Variants in C3orf22 observed in about 807,000 individuals in gnomAD.
The protein encoded by C3orf22 is chromosome 3 open reading frame 22.
In C3orf22, 7 loss-of-function variants were observed where a neutral mutation model predicts 10.8. That is an observed-to-expected ratio of 0.65 (90% CI 0.37 to 1.22). C3orf22 has a LOEUF of 1.22. C3orf22 is among the 50% of genes most tolerant of loss of function. The probability of loss-of-function intolerance (pLI) is 0.02; values close to 1 mark genes in which losing one functional copy is unlikely to be tolerated. For missense variants in C3orf22, 173 were observed against 177.0 expected, an observed-to-expected ratio of 0.98 and a Z score of 0.13; for synonymous variants, 79 against 78.9, an observed-to-expected ratio of 1.00 and a Z score of 0.00.
chr3:126,535,731 T>C (rs1392941086), intron 4 of C3orf22, among the ~76,000 whole-genome samples: 1 of 152,256 alleles, frequency 6.6e-6, no homozygotes, highest in East Asian at 1.9e-4. Flanking sequence ...AAGCAGCATA[T>C]TCCCTGATGG....
At chr3:126,540,625 C>T (rs1936938628) in intron 4 of C3orf22, among the ~76,000 whole-genome samples, 1 of 152,226 alleles carries the variant, frequency 6.6e-6, no homozygotes, top group African/African-American at 2.4e-5. Context: ...CATTTGCCCA[C>T]TCAGCAGTGC....
At chr3:126,539,623 GCACA>G (rs1207867041) in intron 4 of C3orf22, among the ~76,000 whole-genome samples, 2 of 75,672 alleles carry the variant, frequency 2.6e-5, no homozygotes, top group African/African-American at 1.1e-4. Context: ...CACACACACA[GCACA>G]CACACACCCC....
Position 126,553,899 on chromosome 3 carries a change from C to T in C3orf22, c.-40-469G>A, listed in dbSNP as rs73859526. Among the ~76,000 whole-genome samples the T allele has an allele frequency of 9.3e-3, 1,423 of 152,332 alleles. 22 individuals are homozygous for T. Among genetic ancestry groups the T allele is most frequent in the African/African-American group, 0.031 (1,279 of 41,572 alleles). On this transcript the variant is annotated intron_variant, in intron 1 of 3. Transcript: ENST00000318225. ...TGCGGTTGTGCAGCTTCTCAGGCCT[C>T]CAGCTTGGGGCACTTACAAAGCCAC...
intron 4 of C3orf22, chr3:126,542,612 G>A: frequency 1.4e-6 from 2 of 1,438,722 alleles, no homozygotes; most frequent in Non-Finnish European, 1.8e-6. Context: ...CGCGGGGCAA[G>A]TGCCTTTCCG....
rs996648340 is a variant in C3orf22, at chr3:126,542,544, A to G, written c.286+6993T>C. On this transcript the variant is annotated intron_variant and NMD_transcript_variant, in intron 4 of 5. Coordinates refer to the C3orf22 transcript ENST00000505070. ...TACAAGATGGACTTCCTGCTTTTCA[A>G]CTACTCCGCCCCCTCCTACCTGCGG... 4.6e-6 allele frequency: 7 copies of G among 1,529,568 alleles called. No individual in the cohort carries two copies. Among genetic ancestry groups the G allele is most frequent in the Non-Finnish European group, 6.1e-6 (7 of 1,143,852 alleles). 94.7% of individuals were successfully genotyped at this position (1,529,568 alleles called of 1,614,324 possible). A position where few individuals can be genotyped will look rare whatever the true frequency, so the allele number is the denominator to read the frequency against.
At chr3:126,558,012 CT>C (rs1937393147) in intron 1 of C3orf22, among the ~76,000 whole-genome samples, 3 of 1,070 alleles carry the variant, frequency 2.8e-3, no homozygotes, top group Non-Finnish European at 6.8e-3. Flanking sequence ...GTCAGGTGCA[CT>C]TGGGTGAGTC....
chr3:126,553,174 G>C, intron 2 of C3orf22, 128 bp downstream of exon 2: 1 of 762,162 alleles, frequency 1.3e-6, no homozygotes, highest in Non-Finnish European at 2.3e-6. Context: ...GGCAAGGGCT[G>C]CTAAGGGTCT....
In C3orf22 at chr3:126,553,370, C is replaced by G; in HGVS notation, c.21G>C (p.Lys7Asn). The G allele has an allele frequency of 6.2e-7, 1 of 1,613,782 alleles. No individual in the cohort carries two copies. Among genetic ancestry groups the G allele is most frequent in the Middle Eastern group, 1.6e-4 (1 of 6,062 alleles). The change falls in exon 2 of 4, where the codon AAG (lysine) becomes AAC (asparagine). Residue 7 changes from lysine to asparagine, a missense_variant. Coordinates refer to ENST00000318225, the MANE Select transcript of C3orf22 (RefSeq NM_152533.3). MDSSAC[K>N]KSHQSKKWRI... ...TCCACTTCTTACTCTGGTGAGACTT[C>G]TTGCAGGCACTGGAGTCCATCACTG...
downstream of C3orf22, chr3:126,549,602 C>A: frequency 7.3e-7 from 1 of 1,369,892 alleles, no homozygotes; most frequent in Non-Finnish European, 9.7e-7. Flanking sequence ...AATCCTCACA[C>A]CAACCCTGCA....
At chr3:126,528,401 A>C (rs1227064780) in intron 5 of C3orf22, among the ~76,000 whole-genome samples, 1 of 152,190 alleles carries the variant, frequency 6.6e-6, no homozygotes, top group East Asian at 1.9e-4. Flanking sequence ...AAAAGATTTC[A>C]GCAATAAAGA....
chr3:126,557,620 G>T (rs541177262), intron 1 of C3orf22, among the ~76,000 whole-genome samples: 1 of 152,314 alleles, frequency 6.6e-6, no homozygotes, highest in South Asian at 2.1e-4. Context: ...TGGGACCATG[G>T]CCATGGCATG....
chr3:126,554,302 T>C (rs1937275340), intron 1 of C3orf22, among the ~76,000 whole-genome samples: 2 of 140,612 alleles, frequency 1.4e-5, no homozygotes, highest in Non-Finnish European at 1.5e-5. Flanking sequence ...CTCGCTCTCG[T>C]CCCCAGGCTG....
chr3:126,533,353 A>G (rs1936697498), intron 4 of C3orf22, among the ~76,000 whole-genome samples: 1 of 152,114 alleles, frequency 6.6e-6, no homozygotes, highest in African/African-American at 2.4e-5. Context: ...AAGTTATCTG[A>G]GGGTTTTTCG....
At chr3:126,556,241 G>A (rs567733828) in intron 1 of C3orf22, among the ~76,000 whole-genome samples, 3 of 152,182 alleles carry the variant, frequency 2.0e-5, no homozygotes, top group African/African-American at 7.2e-5. Context: ...GATGCACTAG[G>A]CCATGCACAG....
intron 5 of C3orf22, among the ~76,000 whole-genome samples, chr3:126,528,644 G>T (rs191514599): frequency 6.6e-6 from 1 of 152,254 alleles, no homozygotes; most frequent in East Asian, 1.9e-4. Context: ...GAAGGTGGAA[G>T]TGGGGTCCGG....
At chr3:126,557,084 ACACACAGATTCACACT>A in intron 1 of C3orf22, among the ~76,000 whole-genome samples, 1 of 152,098 alleles carries the variant, frequency 6.6e-6, no homozygotes. Context: ...AGATTCACAC[ACACACAGATTCACACT>A]CACACACAGA....
At chr3:126,544,213 C>T (rs1245179637) in intron 4 of C3orf22, among the ~76,000 whole-genome samples, 1 of 152,066 alleles carries the variant, frequency 6.6e-6, no homozygotes, top group African/African-American at 2.4e-5. Flanking sequence ...GTAAATCAGA[C>T]CTGAGGTAGT....
intron 2 of C3orf22, among the ~76,000 whole-genome samples, chr3:126,553,057 A>G (rs1304411870): frequency 2.0e-5 from 3 of 152,238 alleles, no homozygotes; most frequent in African/African-American, 7.2e-5. Context: ...TTGGGGAAGC[A>G]GCTGGCCTGG....
Position 126,536,252 on chromosome 3 carries a change from T to G in C3orf22, c.287-6880A>C, listed in dbSNP as rs139259499. 254 of 1,611,520 alleles carry G rather than the reference T, an allele frequency of 1.6e-4. 1 individual carries two copies. The East Asian group carries it at 5.5e-3, about 35-fold the overall frequency. The stretch of plus-strand genomic sequence containing the variant: ...GTCCCTCTGATATGGTGGCGACATC[T>G]CTCTCCTTATGCCCACAGCATTTGG... On this transcript the variant is annotated intron_variant and NMD_transcript_variant, in intron 4 of 5. Coordinates refer to the C3orf22 transcript ENST00000505070.
Sources: gnomAD v4.1 joint callset for allele counts (sites outside exome capture counted in the v4.1 genomes callset) on GRCh38, gnomAD v4.1.1 for gene constraint, MANE v1.5 for transcripts, NCBI Gene and HGNC (gene_info 2026-07-23, HGNC 2026-07-21) for gene names.